The following PECR variants were observed in gnomAD, a reference collection of about 807,000 sequenced individuals.
The protein encoded by PECR is 2,4-dienoyl-CoA reductase-related protein.
A neutral mutation model predicts 35.3 loss-of-function variants in PECR; 30 were observed. The ratio of observed to expected loss-of-function variants is 0.85; its 90% CI spans 0.64 to 1.15. The LOEUF is 1.15. PECR is among the 50% of genes most tolerant of loss of function. The probability of loss-of-function intolerance (pLI) is 0.00; values close to 1 mark genes in which losing one functional copy is unlikely to be tolerated. For synonymous variants in PECR, 148 were observed against 138.9 expected (o/e 1.07, Z -0.46); for missense variants, 392 against 370.8 (o/e 1.06, Z -0.47).
chr2:216,081,652 G>C lies in PECR; in HGVS notation c.90C>G (p.Ile30Met). 1 of 1,613,420 alleles carries C rather than the reference G, an allele frequency of 6.2e-7. No individual in the cohort carries two copies. The change falls in exon 1 of 8, where the codon ATC becomes ATG. Residue 30 changes from isoleucine to methionine, a missense_variant. Coordinates refer to ENST00000265322, the MANE Select transcript of PECR (RefSeq NM_018441.6). Reference protein sequence around the residue: ...VAIVTGGATGIGKAIVKELLE... With the variant: ...VAIVTGGATGMGKAIVKELLE... ...GGAGCTCCTTCACGATGGCTTTTCC[G>C]ATGCCCGTGGCCCCGCCGGTGACGA...
At chr2:216,031,490 A>G (rs1694696343) in intron 7 of PECR, among the ~76,000 whole-genome samples, 1 of 131,726 alleles carries the variant, frequency 7.6e-6, no homozygotes, top group Non-Finnish European at 1.6e-5. Context: ...AGAAAGAAAG[A>G]AAGAGAAAGA....
Position 216,065,398 on chromosome 2 carries a change from A to G in PECR, c.338T>C (p.Leu113Pro). ...AGAACTGATGTGTTCAGCAGGGGAA[A>G]GAAACTGGCCTCCTCCATTGTTCAC... ...FLVNNGGGQF[L>P]SPAEHISSKG... The change falls in exon 3 of 8, where the codon CTT becomes CCT. Residue 113 changes from leucine (L) to proline (P), a missense_variant. Leu to Pro is a moderately conservative substitution (Grantham distance 98). Transcript: ENST00000265322. The G allele has an allele frequency of 6.2e-7, 1 of 1,608,890 alleles. No individual in the cohort carries two copies. The highest frequency in any genetic ancestry group is 1.1e-5 in the South Asian group (1 of 90,992).
chr2:216,045,052 T>G (rs1694965967), intron 6 of PECR, among the ~76,000 whole-genome samples: 1 of 152,146 alleles, frequency 6.6e-6, no homozygotes, highest in Admixed American at 6.6e-5. Flanking sequence ...AAATAAGGTG[T>G]CGAGGGTGCA....
intron 1 of PECR, among the ~76,000 whole-genome samples, chr2:216,073,317 G>A (rs981043475): frequency 1.3e-5 from 2 of 152,160 alleles, no homozygotes; most frequent in Non-Finnish European, 2.9e-5. Flanking sequence ...TATGGCAGTG[G>A]CCTCATAAGA....
At chr2:216,043,114 TA>T (rs1281901846) in intron 7 of PECR, among the ~76,000 whole-genome samples, 1,781 of 148,184 alleles carry the variant, frequency 0.012, 85 homozygotes, top group African/African-American at 0.042. Flanking sequence ...TATATATATA[TA>T]TTTTTTTTTG....
At chr2:216,056,720 T>C (rs1168284802) in intron 4 of PECR, among the ~76,000 whole-genome samples, 293 of 101,234 alleles carry the variant, frequency 2.9e-3, no homozygotes, top group Non-Finnish European at 3.9e-3. Flanking sequence ...AAACTCCATC[T>C]CAGAAAAAAA....
At chr2:216,054,628 A>G (rs966251961) in intron 4 of PECR, among the ~76,000 whole-genome samples, 14 of 151,936 alleles carry the variant, frequency 9.2e-5, no homozygotes, top group African/African-American at 3.1e-4. Context: ...GAGCCACTGC[A>G]TCCAGCCCCA....
intron 1 of PECR, among the ~76,000 whole-genome samples, chr2:216,080,474 A>T (rs860456): frequency 2.0e-5 from 3 of 152,194 alleles, no homozygotes; most frequent in South Asian, 2.1e-4. Flanking sequence ...TTTTTTCACT[A>T]CTCAAGACTA....
chr2:216,076,370 T>C lies in PECR; in HGVS notation c.124+5248A>G, dbSNP rs114612469. ...ATGCCACCACATGTGCCACAATGTT[T>C]GGAAACAGAGTCAAGCAAAGATTTT... On this transcript the variant is annotated intron_variant, in intron 1 of 7. Transcript: ENST00000265322. Among the ~76,000 whole-genome samples the C allele has an allele frequency of 4.5e-3, 684 of 152,100 alleles. 8 individuals carry two copies. Among genetic ancestry groups the C allele is most frequent in the African/African-American group, 0.015 (642 of 41,536 alleles).
At chr2:216,061,311 CAAAAAAAAAAAAAAAA>C (rs56791924) in intron 3 of PECR, among the ~76,000 whole-genome samples, 3 of 44,932 alleles carry the variant, frequency 6.7e-5, no homozygotes, top group Non-Finnish European at 1.1e-4. Flanking sequence ...AACCCTGTCT[CAAAAAAAAAAAAAAAA>C]AAAAAAAAAA....
At chr2:216,054,241 C>A (rs766661368) in intron 4 of PECR, among the ~76,000 whole-genome samples, 1 of 148,110 alleles carries the variant, frequency 6.8e-6, no homozygotes, top group Non-Finnish European at 1.5e-5. Flanking sequence ...GAGCCGAGAT[C>A]GCACCATTGC....
At position 216,081,599 on chromosome 2, in the gene PECR, C is replaced by T; in HGVS notation, c.124+19G>A. On this transcript the variant is annotated intron_variant, in intron 1 of 7. Transcript: ENST00000265322. ...GGTCACCACAGCCACCTCTCTGCAC[C>T]AGCGGCCCGCTCACGTACCCAGCTC... 1 of 1,613,758 alleles carries T rather than the reference C, an allele frequency of 6.2e-7. No individual in the cohort carries two copies. The highest frequency in any genetic ancestry group is 1.3e-5 in the African/African-American group (1 of 75,058).
At chr2:216,044,650 T>C (rs1428911829) in intron 6 of PECR, among the ~76,000 whole-genome samples, 1 of 152,052 alleles carries the variant, frequency 6.6e-6, no homozygotes, top group Non-Finnish European at 1.5e-5. Flanking sequence ...GAGCCAAGAC[T>C]GCACCACTAC....
chr2:216,038,650 G>C lies in PECR; in HGVS notation c.*625C>G, dbSNP rs1694837788. 1 of 152,204 alleles carries C rather than the reference G, an allele frequency of 6.6e-6. No homozygotes were observed. The highest frequency in any genetic ancestry group is 2.4e-5 in the African/African-American group (1 of 41,390). 9.4% of individuals were successfully genotyped at this position (152,204 alleles called of 1,614,324 possible). ...TTTTGAGATGCAGTCTCACTCTGTA[G>C]CCCAGGCTGGACTGCAGTAGCATGA... On this transcript the variant is annotated 3_prime_UTR_variant, in exon 8 of 8. Coordinates refer to ENST00000265322, the MANE Select transcript of PECR (RefSeq NM_018441.6).
chr2:216,066,403 G>A lies in PECR; in HGVS notation c.240C>T (p.Asn80=). The A allele has an allele frequency of 6.2e-7, 1 of 1,612,936 alleles. No individual in the cohort carries two copies. The highest frequency in any genetic ancestry group is 8.5e-7 in the Non-Finnish European group (1 of 1,178,896). The change falls in exon 2 of 8, where the codon AAC becomes AAT. Residue 80 remains asparagine, a synonymous_variant. Transcript: ENST00000265322. Reference sequence around the variant, plus strand: ...CCATTACCTCCTCCTCATTCCGGATGTTGCATTGTATGGGAATGACTCGTG... The same window carrying A: ...CCATTACCTCCTCCTCATTCCGGATATTGCATTGTATGGGAATGACTCGTG... The part of the protein sequence containing the change: ...KQARVIPIQC[N]IRNEEEVNNL...
intron 1 of PECR, among the ~76,000 whole-genome samples, chr2:216,079,863 C>T (rs111797718): frequency 0.2 from 29,208 of 146,986 alleles, 3,007 homozygotes; most frequent in South Asian, 0.25. Flanking sequence ...TGCCTGTAAT[C>T]CCAACTACTC....
chr2:216,074,691 T>C (rs1044396898), intron 1 of PECR, among the ~76,000 whole-genome samples: 2 of 152,152 alleles, frequency 1.3e-5, no homozygotes, highest in African/African-American at 4.8e-5. Context: ...TTTACTAAAT[T>C]ATAACTAGTT....
chr2:216,062,586 G>A (rs1202724470), intron 3 of PECR, among the ~76,000 whole-genome samples: 9 of 152,168 alleles, frequency 5.9e-5, no homozygotes, highest in South Asian at 2.1e-4. Flanking sequence ...AGACTGGGTC[G>A]GGACTTTAGG....
At chr2:216,044,645 A>G (rs4674058) in intron 6 of PECR, among the ~76,000 whole-genome samples, 110,363 of 151,936 alleles carry the variant, frequency 0.73, 40,255 homozygotes, top group African/African-American at 0.78. Context: ...GCAGTGAGCC[A>G]AGACTGCACC....
Sources: allele counts gnomAD v4.1 joint callset (sites outside exome capture counted in the v4.1 genomes callset), GRCh38; gene constraint gnomAD v4.1.1; transcripts MANE v1.5; gene names NCBI Gene and HGNC (gene_info 2026-07-23, HGNC 2026-07-21).